SLC30A4: variants seen among roughly 807,000 people sequenced by gnomAD.
The protein encoded by SLC30A4 is probable proton-coupled zinc antiporter SLC30A4.
In SLC30A4, 20 loss-of-function variants were observed where a neutral mutation model predicts 41.7. That is an observed-to-expected ratio of 0.48 (90% CI 0.34 to 0.70). The LOEUF (loss-of-function observed/expected upper bound fraction) is 0.70, where lower values mean the gene tolerates loss of function less well. SLC30A4 is among the 30% of genes least tolerant of loss of function. The pLI is 0.01. For synonymous variants in SLC30A4, 181 were observed against 195.9 expected (o/e 0.92, Z 0.64); for missense variants, 441 against 529.3 (o/e 0.83, Z 1.64).
rs936257270 is a variant in SLC30A4 at position 45,483,901 on chromosome 15, A to G, written c.*1262T>C. ...AACAAAAACAAAACCACACACATAT[A>G]TAAGGTCAAAAATCCTTTACATTTC... On this transcript the variant is annotated 3_prime_UTR_variant, in exon 8 of 8. Transcript: ENST00000261867. The G allele has an allele frequency of 6.6e-6, 1 of 152,204 alleles. No individual in the cohort carries two copies. The highest frequency in any genetic ancestry group is 2.4e-5 in the African/African-American group (1 of 41,432). The allele number at this position is 152,204 out of a possible 1,614,324, so 9.4% of individuals were successfully genotyped here. A position where few individuals can be genotyped will look rare whatever the true frequency, so the allele number is the denominator to read the frequency against.
intron 2 of SLC30A4, among the ~76,000 whole-genome samples, chr15:45,515,185 CT>C (rs968673735): frequency 8.9e-5 from 13 of 146,398 alleles, no homozygotes; most frequent in South Asian, 2.2e-4. Context: ...CCGTGCTTGG[CT>C]TTTTTTTTTT....
intron 2 of SLC30A4, chr15:45,519,414 T>A (rs531740278): frequency 6.6e-6 from 1 of 152,082 alleles, no homozygotes; most frequent in East Asian, 1.9e-4. Context: ...TTTTTTGTAT[T>A]TTCAGTAGAG....
chr15:45,508,355 C>T (rs1892204482), intron 3 of SLC30A4, among the ~76,000 whole-genome samples: 1 of 152,046 alleles, frequency 6.6e-6, no homozygotes, highest in Non-Finnish European at 1.5e-5. Flanking sequence ...GTGTAGGCTG[C>T]CTGAGTAGAG....
chr15:45,511,299 T>C lies in SLC30A4; in HGVS notation c.392-15A>G, dbSNP rs759491759. The C allele has an allele frequency of 4.7e-6, 7 of 1,502,794 alleles. No homozygotes were observed. The East Asian group carries it at 7.1e-5, about 15-fold the overall frequency. The allele number at this position is 1,502,794 out of a possible 1,614,324, so 93.1% of individuals were successfully genotyped here. ...AATGTATCCACCTTAGAGTTACAAGTAGGAGAAAAAAGGAACAAGTTAATT... is the reference window on the plus strand; with the variant it reads ...AATGTATCCACCTTAGAGTTACAAGCAGGAGAAAAAAGGAACAAGTTAATT... On this transcript the variant is annotated splice_polypyrimidine_tract_variant and intron_variant, in intron 2 of 7. Coordinates refer to ENST00000261867, the MANE Select transcript of SLC30A4 (RefSeq NM_013309.6).
intron 2 of SLC30A4, among the ~76,000 whole-genome samples, chr15:45,515,300 T>C (rs1349310526): frequency 6.6e-6 from 1 of 151,976 alleles, no homozygotes; most frequent in Non-Finnish European, 1.5e-5. Context: ...AGTGCTGTGA[T>C]TTCAGGCATG....
At chr15:45,507,197 G>A (rs2140837086) in intron 3 of SLC30A4, among the ~76,000 whole-genome samples, 1 of 151,898 alleles carries the variant, frequency 6.6e-6, no homozygotes. Context: ...GCGGGCCCCT[G>A]TAATCCCAGC....
In SLC30A4 at chr15:45,507,645, G is replaced by C. The variant is rs1458203541; in HGVS notation, c.538+3493C>G. Reference sequence around the variant, plus strand: ...TGGTATTACAGGTGGGCACCACCATGCCCAGCTAGGTTTTGTATTTTTAGT... The same window carrying C: ...TGGTATTACAGGTGGGCACCACCATCCCCAGCTAGGTTTTGTATTTTTAGT... On this transcript the variant is annotated intron_variant, in intron 3 of 7. Coordinates refer to ENST00000261867, the MANE Select transcript of SLC30A4 (RefSeq NM_013309.6). Among the ~76,000 whole-genome samples, 105 of 151,922 alleles carry C rather than the reference G, an allele frequency of 6.9e-4. 1 individual carries two copies. The highest frequency in any genetic ancestry group is 7.4e-5 in the Non-Finnish European group (5 of 67,968).
At chr15:45,509,166 G>T (rs899824552) in intron 3 of SLC30A4, among the ~76,000 whole-genome samples, 4 of 151,308 alleles carry the variant, frequency 2.6e-5, no homozygotes, top group Non-Finnish European at 5.9e-5. Flanking sequence ...TTTTGAAGCT[G>T]TTTAAAAATC....
At position 45,482,707 on chromosome 15, in the gene SLC30A4, T is replaced by C. The variant is rs1307971769; in HGVS notation, c.*2456A>G. On this transcript the variant is annotated 3_prime_UTR_variant, in exon 8 of 8. Transcript: ENST00000261867. ...ATATGTAAGAATATTTTGATTTAAA[T>C]AGTTTATATGCTCCTGAAATTTCTG... The C allele has an allele frequency of 6.6e-6, 1 of 152,208 alleles. No homozygotes were observed. Among genetic ancestry groups the C allele is most frequent in the Non-Finnish European group, 1.5e-5 (1 of 68,040 alleles). 9.4% of individuals were successfully genotyped at this position (152,208 alleles called of 1,614,324 possible).
Position 45,485,099 on chromosome 15 carries a change from A to G in SLC30A4, c.*64T>C. 1 of 1,341,046 alleles carries G rather than the reference A, an allele frequency of 7.5e-7. No individual in the cohort carries two copies. The highest frequency in any genetic ancestry group is 1.0e-6 in the Non-Finnish European group (1 of 955,834). The allele number at this position is 1,341,046 out of a possible 1,614,324, so 83.1% of individuals were successfully genotyped here. A position where few individuals can be genotyped will look rare whatever the true frequency, so the allele number is the denominator to read the frequency against. On this transcript the variant is annotated 3_prime_UTR_variant, in exon 8 of 8. Coordinates refer to ENST00000261867, the MANE Select transcript of SLC30A4 (RefSeq NM_013309.6). ...ATTCCATTTTCTCATTTAGGTTTGC[A>G]TTTATTGCTCTCAAGTCTGTGACTG...
intron 2 of SLC30A4, chr15:45,520,862 T>C: frequency 2.8e-6 from 1 of 358,544 alleles, no homozygotes; most frequent in South Asian, 2.3e-5. Context: ...ATGTGAAGTG[T>C]ATTTCTTACT....
intron 5 of SLC30A4, among the ~76,000 whole-genome samples, chr15:45,487,911 A>AGT (rs145350286): frequency 0.47 from 64,342 of 137,316 alleles, 15,339 homozygotes; most frequent in South Asian, 0.58. Context: ...GAAAGAAGTA[A>AGT]GTGTGTGTGT....
In SLC30A4 at chr15:45,522,210, C is replaced by G; in HGVS notation, c.145G>C (p.Val49Leu). The G allele has an allele frequency of 6.2e-7, 1 of 1,614,274 alleles. No homozygotes were observed. The highest frequency in any genetic ancestry group is 8.5e-7 in the Non-Finnish European group (1 of 1,180,056). ...GLSRFNKLRV[V>L]VADDGSEAPE... The stretch of plus-strand genomic sequence containing the variant: ...GCTTCGGAACCGTCATCGGCCACCA[C>G]AACTCGAAGTTTGTTGAACCGAGAA... Residue 49 changes from valine (V) to leucine (L), a missense_variant, in exon 2 of 8, where the codon GTG becomes CTG. Val to Leu is a conservative substitution (Grantham distance 32). Transcript: ENST00000261867.
rs1266711507 is a variant in SLC30A4, at chr15:45,481,598, T to C, written c.*3565A>G. ...TGTTTTCCCAGTGCAAAATTAATAA[T>C]GCTATGTGTTCATCCAACTCAGCCA... On this transcript the variant is annotated 3_prime_UTR_variant, in exon 8 of 8. Coordinates refer to ENST00000261867, the MANE Select transcript of SLC30A4 (RefSeq NM_013309.6). 6.6e-6 allele frequency: 1 copy of C among 152,224 alleles called. No homozygotes were observed. Among genetic ancestry groups the C allele is most frequent in the Non-Finnish European group, 1.5e-5 (1 of 68,036 alleles). 9.4% of individuals were successfully genotyped at this position (152,224 alleles called of 1,614,324 possible). A position where few individuals can be genotyped will look rare whatever the true frequency, so the allele number is the denominator to read the frequency against.
intron 6 of SLC30A4, 67 bp from the exon 7 acceptor site, chr15:45,486,812 T>A: frequency 1.1e-6 from 1 of 888,658 alleles, no homozygotes; most frequent in Non-Finnish European, 1.6e-6. Flanking sequence ...ACATTACCGA[T>A]GACATTTATC....
chr15:45,494,666 T>A (rs1470423747), intron 3 of SLC30A4, among the ~76,000 whole-genome samples: 1 of 151,864 alleles, frequency 6.6e-6, no homozygotes, highest in Non-Finnish European at 1.5e-5. Context: ...CCAGCCCGGG[T>A]GGCAGAGCGA....
At chr15:45,513,201 C>CTTTT (rs539115300) in intron 2 of SLC30A4, among the ~76,000 whole-genome samples, 1 of 130,156 alleles carries the variant, frequency 7.7e-6, no homozygotes. Flanking sequence ...ATTAATTAAA[C>CTTTT]TTTTTTTTTT....
intron 2 of SLC30A4, among the ~76,000 whole-genome samples, chr15:45,518,851 CCCAG>C (rs1445348283): frequency 6.6e-6 from 1 of 152,156 alleles, no homozygotes; most frequent in Non-Finnish European, 1.5e-5. Flanking sequence ...AGCCACTGCA[CCCAG>C]CCAAATTGCT....
rs958121099 is a variant in SLC30A4, at chr15:45,483,231, G to A, written c.*1932C>T. On this transcript the variant is annotated 3_prime_UTR_variant, in exon 8 of 8. Coordinates refer to ENST00000261867, the MANE Select transcript of SLC30A4 (RefSeq NM_013309.6). ...AGGTTTACTTATAGTAAGGTACTTGGTAAGAAGATAAAATGTTTCCTATTC... is the reference window on the plus strand; with the variant it reads ...AGGTTTACTTATAGTAAGGTACTTGATAAGAAGATAAAATGTTTCCTATTC... The A allele has an allele frequency of 3.3e-5, 5 of 152,242 alleles. No homozygotes were observed. Among genetic ancestry groups the A allele is most frequent in the East Asian group, 3.9e-4 (2 of 5,190 alleles). 9.4% of individuals were successfully genotyped at this position (152,242 alleles called of 1,614,324 possible).
Sources: allele counts gnomAD v4.1 joint callset (sites outside exome capture counted in the v4.1 genomes callset), GRCh38; gene constraint gnomAD v4.1.1; transcripts MANE v1.5; gene names NCBI Gene and HGNC (gene_info 2026-07-23, HGNC 2026-07-21).